The following SETD1B variants were observed in gnomAD, a reference collection of about 807,000 sequenced individuals.
SETD1B encodes the protein SET domain containing 1B, histone lysine methyltransferase.
In SETD1B, 7 loss-of-function variants were observed where a neutral mutation model predicts 148.0. The observed-to-expected ratio is 0.05, with a 90% confidence interval of 0.03 to 0.09. The LOEUF is 0.09. Among genes scored for constraint, SETD1B ranks in the 10% least tolerant of loss-of-function variants. The pLI, the probability that SETD1B is intolerant of heterozygous loss-of-function variation, is 1.00. For missense variants in SETD1B, 2,155 were observed against 2,729.9 expected (o/e 0.79, Z 4.69); for synonymous variants, 1,361 against 1,186.5 (o/e 1.15, Z -3.02).
chr12:121,813,755 C>T (rs1418007410), intron 6 of SETD1B, among the ~76,000 whole-genome samples: 2 of 152,176 alleles, frequency 1.3e-5, no homozygotes, highest in African/African-American at 4.8e-5. Flanking sequence ...TTCCCGTATT[C>T]ACCCTCATCA....
rs1174862571 is a variant in SETD1B, at chr12:121,830,227, G to A, written c.5889G>A (p.Gly1963=). ...PCLCGSENCR[G]TLN ...TCTGTGGCTCCGAGAACTGCCGGGG[G>A]ACCCTCAACTAGGCCCCGGCACCAG... Residue 1963 remains glycine (G), a synonymous_variant, in exon 17 of 17, where the codon GGG becomes GGA. Transcript: ENST00000604567. This position sits in a 1 kb window ranked among gnomAD's most constrained non-coding sequence, Gnocchi z 5.7. The A allele has an allele frequency of 6.4e-7, 1 of 1,550,628 alleles. No individual in the cohort carries two copies. Among genetic ancestry groups the A allele is most frequent in the South Asian group, 1.2e-5 (1 of 84,026 alleles).
the SETD1B span, among the ~76,000 whole-genome samples, chr12:121,796,990 T>G: frequency 1.4e-5 from 2 of 145,572 alleles, no homozygotes; most frequent in African/African-American, 5.2e-5. Flanking sequence ...TGAGCCCAGA[T>G]CACACCATTG....
At position 121,817,447 on chromosome 12, in the gene SETD1B, G is replaced by A. The variant is rs751871086; in HGVS notation, c.3055G>A (p.Val1019Met). Residue 1019 changes from valine to methionine, a missense_variant, in exon 9 of 17, where the codon GTG becomes ATG. Physicochemically the swap from Val to Met is conservative, Grantham distance 21. Coordinates refer to ENST00000604567, the MANE Select transcript of SETD1B (RefSeq NM_001353345.2). This position sits in a 1 kb window ranked among gnomAD's most constrained non-coding sequence, Gnocchi z 8.1. ...CAAGCGGGACCCCAAGGGCGTGGGT[G>A]TGCGGCGGCGGCCGGCGCGGCCTCT... The part of the protein sequence containing the change: ...LAKRDPKGVG[V>M]RRRPARPLEL... 2.6e-6 allele frequency: 4 copies of A among 1,547,212 alleles called. No individual in the cohort carries two copies. In the East Asian group the frequency reaches 7.4e-5, roughly 28 times the overall value.
At position 121,805,223 on chromosome 12, in the gene SETD1B, C is replaced by CCCCTCCCCACTGCCCCGCCGT; in HGVS notation, c.273+16_273+36dup. The CCCCTCCCCACTGCCCCGCCGT allele has an allele frequency of 6.5e-7, 1 of 1,547,156 alleles. No individual in the cohort carries two copies. The highest frequency in any genetic ancestry group is 8.7e-7 in the Non-Finnish European group (1 of 1,144,666). On this transcript the variant is annotated splice_region_variant and intron_variant, in intron 3 of 16. Transcript: ENST00000604567. The surrounding 1 kb of genome is among the most constrained non-coding windows in gnomAD (Gnocchi z 4.2). ...GTCGGTGCCCAAATTCAAGGTAGGA[C>CCCCTCCCCACTGCCCCGCCGT]CCCTCCCCACTGCCCCGCCGTCCCT...
At chr12:121,812,902 G>C (rs1243595128) in intron 6 of SETD1B, among the ~76,000 whole-genome samples, 3 of 152,030 alleles carry the variant, frequency 2.0e-5, no homozygotes, top group African/African-American at 7.3e-5. Context: ...CTCACCTGTA[G>C]TCTGACCTCT....
Position 121,804,088 on chromosome 12 carries a change from C to T in SETD1B, c.-160C>T. 6.5e-6 allele frequency: 1 copy of T among 153,244 alleles called. No individual in the cohort carries two copies. Among genetic ancestry groups the T allele is most frequent in the Non-Finnish European group, 1.4e-5 (1 of 69,346 alleles). The allele number at this position is 153,244 out of a possible 1,614,324, so 9.5% of individuals were successfully genotyped here. On this transcript the variant is annotated 5_prime_UTR_variant, in exon 1 of 17. Coordinates refer to ENST00000604567, the MANE Select transcript of SETD1B (RefSeq NM_001353345.2). This position sits in a 1 kb window ranked among gnomAD's most constrained non-coding sequence, Gnocchi z 4.6. The stretch of plus-strand genomic sequence containing the variant: ...CGGGCAGCAGCAGCAGCAGCGGCGG[C>T]GGCAGCGGCAGCAGCTCCGGGCCCG...
chr12:121,802,251 A>C (rs1875410814), upstream of SETD1B: 1 of 152,280 alleles, frequency 6.6e-6, no homozygotes. Flanking sequence ...TAGACAAGAG[A>C]GACAAAGACA....
rs367757831 is a variant in SETD1B at position 121,827,883 on chromosome 12, G to C, written c.5589+29G>C. On this transcript the variant is annotated intron_variant, in intron 15 of 16. Transcript: ENST00000604567. ...GGCACCGCCCGGCAGGATGGGCACC[G>C]GGGTGGGCATGGGGCCGGCCCAGCC... 42 of 1,552,988 alleles carry C rather than the reference G, an allele frequency of 2.7e-5. No homozygotes were observed. In the Admixed American group the frequency reaches 7.8e-4, roughly 29 times the overall value.
the SETD1B span, among the ~76,000 whole-genome samples, chr12:121,798,656 T>A: frequency 3.3e-5 from 5 of 152,182 alleles, no homozygotes; most frequent in South Asian, 1.0e-3. Flanking sequence ...CAAGATCTCC[T>A]TGTTAATCCG....
Position 121,822,562 on chromosome 12 carries a change from C to G in SETD1B, c.3983C>G (p.Pro1328Arg). 2 of 1,551,378 alleles carry G rather than the reference C, an allele frequency of 1.3e-6. No individual in the cohort carries two copies. Among genetic ancestry groups the G allele is most frequent in the Non-Finnish European group, 1.7e-6 (2 of 1,146,820 alleles). ...CCGCTGCAACCACCATTGCCGCCCC[C>G]ACGACCACCCCGGCCACCCAGCCCA... ...PLPLQPPLPP[P>R]RPPRPPSPPP... The change falls in exon 12 of 17, where the codon CCA (proline) becomes CGA (arginine). Residue 1328 changes from proline to arginine, a missense_variant. By Grantham distance (103) the Pro-to-Arg change is moderately radical. Transcript: ENST00000604567.
intron 12 of SETD1B, 150 bp downstream of exon 12, chr12:121,823,899 G>C: frequency 8.3e-7 from 1 of 1,210,246 alleles, no homozygotes; most frequent in South Asian, 1.6e-5. Context: ...CAGGGTTTGT[G>C]TCCCGGCACC....
In SETD1B at chr12:121,814,158, C is replaced by G. The variant is rs549011328; in HGVS notation, c.1943C>G (p.Ser648Trp). ...DMEISDDEMPSAPITSADCPK... is the reference protein window; with the variant it reads ...DMEISDDEMPWAPITSADCPK... ...GAGATCTCGGATGACGAGATGCCCT[C>G]GGCCCCCATCACCAGCGCTGACTGC... The change falls in exon 7 of 17, where the codon TCG becomes TGG. Residue 648 changes from serine (S) to tryptophan (W), a missense_variant. Physicochemically the swap from Ser to Trp is radical, Grantham distance 177. Around this residue, in one of 11 missense-constraint regions of SETD1B, gnomAD observed 295 missense variants for 303.8 expected, o/e 0.97. Coordinates refer to ENST00000604567, the MANE Select transcript of SETD1B (RefSeq NM_001353345.2). 3 of 1,548,292 alleles carry G rather than the reference C, an allele frequency of 1.9e-6. No individual in the cohort carries two copies. In the African/African-American group the frequency reaches 4.1e-5, roughly 21 times the overall value.
chr12:121,803,625 G>C (rs889324599), upstream of SETD1B: 2 of 139,424 alleles, frequency 1.4e-5, no homozygotes, highest in Non-Finnish European at 3.1e-5. This position sits in a 1 kb window ranked among gnomAD's most constrained non-coding sequence, Gnocchi z 4.7. Context: ...CCATCTCCCC[G>C]GGCCCCGCGC....
At chr12:121,796,052 T>C in the SETD1B span, 2 of 152,482 alleles carry the variant, frequency 1.3e-5, no homozygotes, top group African/African-American at 4.8e-5. Flanking sequence ...ACTCGACTGT[T>C]GTGGTGATGG....
chr12:121,793,657 G>A, the SETD1B span: 5 of 1,516,454 alleles, frequency 3.3e-6, no homozygotes, highest in Admixed American at 6.1e-5. Flanking sequence ...CAGCACTGGC[G>A]GCGGCGCGCC....
Position 121,808,113 on chromosome 12 carries a change from A to G in SETD1B, c.545-95A>G. 1.0e-6 allele frequency: 1 copy of G among 952,902 alleles called. No individual in the cohort carries two copies. Among genetic ancestry groups the G allele is most frequent in the Admixed American group, 2.3e-5 (1 of 44,308 alleles). 59.0% of individuals were successfully genotyped at this position (952,902 alleles called of 1,614,324 possible). The stretch of plus-strand genomic sequence containing the variant: ...CCCTAGGACTGGGGTCTCGGGCACA[A>G]GGGACCCACCAGGGTGCCACACAGG... On this transcript the variant is annotated intron_variant, in intron 4 of 16. Coordinates refer to ENST00000604567, the MANE Select transcript of SETD1B (RefSeq NM_001353345.2). The surrounding 1 kb of genome is among the most constrained non-coding windows in gnomAD (Gnocchi z 5.3).
intron 5 of SETD1B, among the ~76,000 whole-genome samples, chr12:121,809,297 A>G (rs1164418206): frequency 6.6e-6 from 1 of 152,190 alleles, no homozygotes; most frequent in African/African-American, 2.4e-5. Context: ...TTGATTTCTG[A>G]CAGCCTGAGG....
At position 121,831,946 on chromosome 12, in the gene SETD1B, C is replaced by T. The variant is rs1413996421; in HGVS notation, c.*1707C>T. On this transcript the variant is annotated 3_prime_UTR_variant, in exon 17 of 17. Transcript: ENST00000604567. ...GGCCCTCTCTATTTGAGACTGTGCC[C>T]GCCGGTTTCAAGATCAAGGAAATTG... 2.6e-5 allele frequency: 4 copies of T among 151,812 alleles called. No homozygotes were observed. The highest frequency in any genetic ancestry group is 2.1e-4 in the South Asian group (1 of 4,818). 9.4% of individuals were successfully genotyped at this position (151,812 alleles called of 1,614,324 possible).
Position 121,814,440 on chromosome 12 carries a change from T to G in SETD1B, c.2225T>G (p.Leu742Arg). The change falls in exon 7 of 17, where the codon CTG becomes CGG. Residue 742 changes from leucine (L) to arginine (R), a missense_variant. Physicochemically the swap from Leu to Arg is moderately radical, Grantham distance 102. This residue lies in a region of SETD1B where 295 missense variants were observed against 303.8 expected (regional missense o/e 0.97). Coordinates refer to ENST00000604567, the MANE Select transcript of SETD1B (RefSeq NM_001353345.2). ...APPGVPPPPI[L>R]PPLPPFPPGL... ...CCTGGAGTCCCGCCCCCACCCATCCTGCCACCACTGCCCCCCTTTCCGCCG... is the reference window on the plus strand; with the variant it reads ...CCTGGAGTCCCGCCCCCACCCATCCGGCCACCACTGCCCCCCTTTCCGCCG... 9.9e-6 allele frequency: 7 copies of G among 708,414 alleles called. No homozygotes were observed. Among genetic ancestry groups the G allele is most frequent in the Non-Finnish European group, 1.4e-5 (7 of 491,596 alleles). 43.9% of individuals were successfully genotyped at this position (708,414 alleles called of 1,614,324 possible).
Sources: allele counts gnomAD v4.1 joint callset (sites outside exome capture counted in the v4.1 genomes callset), GRCh38; gene constraint gnomAD v4.1.1; regional missense constraint gnomAD v4.1.1; non-coding constraint Gnocchi (gnomAD v3.1); transcripts MANE v1.5; gene names NCBI Gene and HGNC (gene_info 2026-07-23, HGNC 2026-07-21).